Variants in VRK1 observed in about 807,000 individuals in gnomAD.
The protein encoded by VRK1 is VRK serine/threonine kinase 1, also known as serine/threonine-protein kinase VRK1.
VRK1 carries 33 observed loss-of-function variants against 57.1 expected under a neutral mutation model. The observed-to-expected ratio is 0.58, with a 90% confidence interval of 0.44 to 0.77. VRK1 has a LOEUF of 0.77. VRK1 is among the 30% of genes least tolerant of loss of function. The probability of loss-of-function intolerance (pLI) is 0.00; values close to 1 mark genes in which losing one functional copy is unlikely to be tolerated. For missense variants in VRK1, 413 were observed against 477.3 expected (o/e 0.87, Z 1.25); for synonymous variants, 137 against 147.8 (o/e 0.93, Z 0.53).
At chr14:96,871,915 G>T (rs971840167) in intron 11 of VRK1, among the ~76,000 whole-genome samples, 9 of 152,038 alleles carry the variant, frequency 5.9e-5, no homozygotes, top group African/African-American at 2.2e-4. Context: ...CTGCCTCCTG[G>T]ATTCAAGCAG....
intron 5 of VRK1, among the ~76,000 whole-genome samples, chr14:96,849,481 C>G (rs1192852458): frequency 6.6e-6 from 1 of 151,736 alleles, no homozygotes; most frequent in African/African-American, 2.4e-5. Context: ...TATATTGCAG[C>G]AAAACCTAAA....
At chr14:96,868,734 A>T (rs1209931592) in intron 11 of VRK1, among the ~76,000 whole-genome samples, 1 of 152,124 alleles carries the variant, frequency 6.6e-6, no homozygotes, top group Non-Finnish European at 1.5e-5. Flanking sequence ...GAGATCTCAA[A>T]GGATATTATT....
intron 1 of VRK1, among the ~76,000 whole-genome samples, chr14:96,821,782 C>A (rs568460921): frequency 5.9e-5 from 9 of 152,170 alleles, no homozygotes; most frequent in Non-Finnish European, 1.2e-4. Flanking sequence ...TGTTCTCCAC[C>A]TCTGTGCTTC....
At chr14:96,812,005 A>T (rs1024271785) in intron 1 of VRK1, among the ~76,000 whole-genome samples, 1 of 152,186 alleles carries the variant, frequency 6.6e-6, no homozygotes, top group Non-Finnish European at 1.5e-5. Context: ...CTATAAATTT[A>T]TCAATTCTGG....
intron 11 of VRK1, 73 bp downstream of exon 11, chr14:96,860,808 A>G: frequency 6.6e-7 from 1 of 1,524,984 alleles, no homozygotes; most frequent in Non-Finnish European, 9.0e-7. Context: ...AAGAAAGTAT[A>G]GCAGTAGTTC....
intron 12 of VRK1, among the ~76,000 whole-genome samples, chr14:96,877,031 A>G (rs1889066494): frequency 1.3e-5 from 2 of 151,354 alleles, no homozygotes; most frequent in South Asian, 4.2e-4. Flanking sequence ...AGTGTGGCCC[A>G]CAATACATTT....
At chr14:96,810,915 A>C (rs1886166081) in intron 1 of VRK1, among the ~76,000 whole-genome samples, 1 of 150,686 alleles carries the variant, frequency 6.6e-6, no homozygotes, top group South Asian at 2.1e-4. Flanking sequence ...GGCAAGTCCA[A>C]GATCACCTGT....
chr14:96,827,946 T>C (rs4900350), intron 1 of VRK1, among the ~76,000 whole-genome samples: 72,339 of 152,026 alleles, frequency 0.48, 18,435 homozygotes, highest in Non-Finnish European at 0.58. Context: ...TATAGAATGC[T>C]ACCAGATCCC....
intron 12 of VRK1, among the ~76,000 whole-genome samples, chr14:96,878,917 A>G (rs1041701488): frequency 1.8e-4 from 27 of 152,254 alleles, no homozygotes; most frequent in African/African-American, 5.8e-4. Flanking sequence ...CATGATATTT[A>G]TGGCTGGTGT....
At chr14:96,820,137 G>A (rs952068004) in intron 1 of VRK1, among the ~76,000 whole-genome samples, 3 of 101,392 alleles carry the variant, frequency 3.0e-5, no homozygotes, top group Admixed American at 8.9e-5. Context: ...GTTGCCGATT[G>A]TTGTATAAAA....
intron 5 of VRK1, among the ~76,000 whole-genome samples, chr14:96,851,984 C>A (rs1328259670): frequency 6.6e-6 from 1 of 152,160 alleles, no homozygotes; most frequent in Non-Finnish European, 1.5e-5. Flanking sequence ...TATTGATTTA[C>A]TGAATGATTT....
chr14:96,866,998 CAG>C (rs1259710833), intron 11 of VRK1, among the ~76,000 whole-genome samples: 1 of 152,112 alleles, frequency 6.6e-6, no homozygotes, highest in Non-Finnish European at 1.5e-5. Flanking sequence ...CACGAGTAAA[CAG>C]AGCTTGTTTT....
At chr14:96,823,294 A>G (rs1224702603) in intron 1 of VRK1, among the ~76,000 whole-genome samples, 1 of 152,226 alleles carries the variant, frequency 6.6e-6, no homozygotes, top group African/African-American at 2.4e-5. Flanking sequence ...AGGTATAGCA[A>G]GTGCCTAGAA....
chr14:96,836,315 T>C (rs1380977215), intron 2 of VRK1, among the ~76,000 whole-genome samples: 3 of 152,040 alleles, frequency 2.0e-5, no homozygotes, highest in African/African-American at 7.2e-5. Context: ...TTTATTACCA[T>C]AGTCTGATTT....
intron 11 of VRK1, among the ~76,000 whole-genome samples, chr14:96,868,627 C>T (rs1888678228): frequency 6.6e-6 from 1 of 151,984 alleles, no homozygotes; most frequent in African/African-American, 2.4e-5. Context: ...ATAAGTGATA[C>T]AGAAGGAAAT....
chr14:96,828,306 C>G, intron 1 of VRK1, among the ~76,000 whole-genome samples: 1 of 152,214 alleles, frequency 6.6e-6, no homozygotes, highest in East Asian at 1.9e-4. Context: ...TCAAAATGAT[C>G]GAAACAGTAT....
intron 3 of VRK1, among the ~76,000 whole-genome samples, chr14:96,844,447 G>T (rs1347948125): frequency 6.6e-6 from 1 of 152,226 alleles, no homozygotes; most frequent in Non-Finnish European, 1.5e-5. Context: ...TTTTCAGGTT[G>T]TGATCCAAGT....
chr14:96,870,708 T>A (rs192727607), intron 11 of VRK1, among the ~76,000 whole-genome samples: 1 of 152,342 alleles, frequency 6.6e-6, no homozygotes, highest in East Asian at 1.9e-4. Flanking sequence ...TTTTCTAGGT[T>A]GTGCTTGCTA....
intron 1 of VRK1, among the ~76,000 whole-genome samples, chr14:96,822,786 T>C (rs1265075370): frequency 6.6e-6 from 1 of 152,168 alleles, no homozygotes; most frequent in Non-Finnish European, 1.5e-5. Context: ...CCAAACCTTG[T>C]AGAAATCCAT....
Sources: gnomAD v4.1 joint callset for allele counts (sites outside exome capture counted in the v4.1 genomes callset) on GRCh38, gnomAD v4.1.1 for gene constraint, MANE v1.5 for transcripts, NCBI Gene and HGNC (gene_info 2026-07-23, HGNC 2026-07-21) for gene names.